The following SUCLA2 variants were observed in gnomAD, a reference collection of about 807,000 sequenced individuals.
SUCLA2 encodes the protein succinate-CoA ligase ADP-forming subunit beta, also known as succinate--CoA ligase [ADP-forming] subunit beta, mitochondrial.
A neutral mutation model predicts 54.8 loss-of-function variants in SUCLA2; 30 were observed. That is an observed-to-expected ratio of 0.55 (90% CI 0.41 to 0.74). The LOEUF (loss-of-function observed/expected upper bound fraction) is 0.74, where lower values mean the gene tolerates loss of function less well. Among genes scored for constraint, SUCLA2 ranks in the 30% least tolerant of loss-of-function variants. The pLI, the probability that SUCLA2 is intolerant of heterozygous loss-of-function variation, is 0.00. For synonymous variants in SUCLA2, 172 were observed against 188.9 expected, an observed-to-expected ratio of 0.91 and a Z score of 0.74; for missense variants, 476 against 562.9, an observed-to-expected ratio of 0.85 and a Z score of 1.56.
intron 6 of SUCLA2, among the ~76,000 whole-genome samples, chr13:47,955,393 G>T (rs989633959): frequency 9.9e-5 from 15 of 152,036 alleles, no homozygotes; most frequent in Middle Eastern, 3.2e-3. Context: ...GTAGAGATAG[G>T]GTTTTGCCAT....
chr13:47,999,711 A>T (rs1037819340), intron 1 of SUCLA2, among the ~76,000 whole-genome samples: 1 of 4,150 alleles, frequency 2.4e-4, no homozygotes, highest in Non-Finnish European at 4.4e-4. Flanking sequence ...CGTCTCAAGG[A>T]AAAAAAAAAA....
At chr13:47,990,677 T>G (rs1295299992) in intron 2 of SUCLA2, among the ~76,000 whole-genome samples, 1 of 152,026 alleles carries the variant, frequency 6.6e-6, no homozygotes, top group Non-Finnish European at 1.5e-5. Context: ...TAACAACTAC[T>G]CCATAAACAT....
At position 47,988,564 on chromosome 13, in the gene SUCLA2, T is replaced by A. The variant is rs1413738278; in HGVS notation, c.511A>T (p.Ile171Leu). The change falls in exon 4 of 11, where the codon ATA (isoleucine) becomes TTA (leucine). Residue 171 changes from isoleucine to leucine, a missense_variant. This residue lies in a region of SUCLA2 where 342 missense variants were observed against 444.2 expected (regional missense o/e 0.77). Transcript: ENST00000646932. ...KYPRREYYFA[I>L]TMERSFQGPV... ...ACTTGAAATGACCTTTCCATTGTTA[T>A]TGCAAAGTAGTATTCTCTCCTGGGA... 2 of 1,613,936 alleles carry A rather than the reference T, an allele frequency of 1.2e-6. No individual in the cohort carries two copies. The highest frequency in any genetic ancestry group is 4.5e-5 in the East Asian group (2 of 44,826).
intron 10 of SUCLA2, among the ~76,000 whole-genome samples, chr13:47,944,431 T>C (rs1294365802): frequency 6.6e-6 from 1 of 152,214 alleles, no homozygotes; most frequent in Non-Finnish European, 1.5e-5. Context: ...TCATGATCTA[T>C]TTGATCAAGG....
chr13:48,000,840 C>T (rs1950224464), intron 1 of SUCLA2: 3 of 1,147,664 alleles, frequency 2.6e-6, no homozygotes, highest in Non-Finnish European at 3.2e-6. Flanking sequence ...AGTCTCAGCC[C>T]ACCGTGCCAG....
At chr13:47,984,216 C>G (rs1950081452) in intron 4 of SUCLA2, among the ~76,000 whole-genome samples, 1 of 148,848 alleles carries the variant, frequency 6.7e-6, no homozygotes, top group Non-Finnish European at 1.5e-5. Context: ...TTTATTTTGA[C>G]ACAGTCTCAC....
At chr13:47,995,645 A>C (rs1831652181) in intron 2 of SUCLA2, among the ~76,000 whole-genome samples, 1 of 152,214 alleles carries the variant, frequency 6.6e-6, no homozygotes, top group Non-Finnish European at 1.5e-5. Flanking sequence ...ATATAAAAGC[A>C]AAGTATTCAC....
At chr13:47,987,176 C>T (rs1950110717) in intron 4 of SUCLA2, among the ~76,000 whole-genome samples, 1 of 152,148 alleles carries the variant, frequency 6.6e-6, no homozygotes, top group Non-Finnish European at 1.5e-5. Context: ...ATAAGATGAA[C>T]TCAAATTTGA....
intron 6 of SUCLA2, among the ~76,000 whole-genome samples, chr13:47,966,643 A>C (rs1299188822): frequency 2.0e-5 from 3 of 151,730 alleles, no homozygotes; most frequent in African/African-American, 7.3e-5. Context: ...GCAGTTGTTC[A>C]GTTTGAAATA....
In SUCLA2 at chr13:47,990,458, T is replaced by TA. The variant is rs200621361; in HGVS notation, c.272-1478dup. ...TACCACAAAAATATTATGTATCAGTTAAAAAAAAAGAGTAATACCTCTTAG... is the reference window on the plus strand; with the variant it reads ...TACCACAAAAATATTATGTATCAGTTAAAAAAAAAAGAGTAATACCTCTTAG... On this transcript the variant is annotated intron_variant, in intron 2 of 10. Coordinates refer to ENST00000646932, the MANE Select transcript of SUCLA2 (RefSeq NM_003850.3). 5.1e-3 allele frequency among the ~76,000 whole-genome samples: 764 copies of TA among 151,074 alleles called. 7 individuals carry two copies. The highest frequency in any genetic ancestry group is 0.017 in the African/African-American group (692 of 41,174).
At chr13:47,965,507 ACAAAC>A (rs748802974) in intron 6 of SUCLA2, 19 of 365,464 alleles carry the variant, frequency 5.2e-5, no homozygotes, top group South Asian at 1.4e-4. Context: ...AAAAAAAAAA[ACAAAC>A]AAACAAAAAA....
At chr13:47,944,647 C>A (rs1949714850) in intron 10 of SUCLA2, among the ~76,000 whole-genome samples, 1 of 152,168 alleles carries the variant, frequency 6.6e-6, no homozygotes, top group South Asian at 2.1e-4. Flanking sequence ...TCAAAATAGG[C>A]TTTCTGAAAT....
chr13:47,989,647 A>C (rs1326537477), intron 2 of SUCLA2, among the ~76,000 whole-genome samples: 1 of 152,208 alleles, frequency 6.6e-6, no homozygotes, highest in Non-Finnish European at 1.5e-5. Flanking sequence ...ATTGAATTTC[A>C]TGTCTTCCTA....
Position 47,955,926 on chromosome 13 carries a change from C to G in SUCLA2, c.803-1369G>C, listed in dbSNP as rs189488132. Reference sequence around the variant, plus strand: ...ACAGGAGAAAAAGTTTGGAGCCCAGCTAAGTTAAGTACCCTTAATACCAAA... The same window carrying G: ...ACAGGAGAAAAAGTTTGGAGCCCAGGTAAGTTAAGTACCCTTAATACCAAA... On this transcript the variant is annotated intron_variant, in intron 6 of 10. Coordinates refer to ENST00000646932, the MANE Select transcript of SUCLA2 (RefSeq NM_003850.3). 1.2e-3 allele frequency among the ~76,000 whole-genome samples: 183 copies of G among 152,266 alleles called. 1 individual carries two copies. The highest frequency in any genetic ancestry group is 3.8e-4 in the Non-Finnish European group (26 of 68,026).
intron 5 of SUCLA2, among the ~76,000 whole-genome samples, chr13:47,971,066 A>C (rs1949959255): frequency 6.6e-6 from 1 of 150,832 alleles, no homozygotes; most frequent in Non-Finnish European, 1.5e-5. Context: ...AATCAATAAT[A>C]AAAAAAAAGA....
At chr13:47,996,766 T>C in intron 2 of SUCLA2, 77 bp downstream of exon 2, 1 of 1,453,350 alleles carries the variant, frequency 6.9e-7, no homozygotes, top group East Asian at 2.3e-5. Context: ...TAAAAGTTGT[T>C]ATCAAACCAA....
At chr13:47,944,335 A>G (rs1949711736) in intron 10 of SUCLA2, among the ~76,000 whole-genome samples, 1 of 152,170 alleles carries the variant, frequency 6.6e-6, no homozygotes, top group Non-Finnish European at 1.5e-5. Flanking sequence ...ATCTCATTCA[A>G]TATTATTATT....
Position 47,997,000 on chromosome 13 carries a change from A to G in SUCLA2, c.114T>C (p.Phe38=), listed in dbSNP as rs140476878. Residue 38 remains phenylalanine, a synonymous_variant, in exon 2 of 11, where the codon TTT becomes TTC. Coordinates refer to ENST00000646932, the MANE Select transcript of SUCLA2 (RefSeq NM_003850.3). Reference sequence around the variant, plus strand: ...GCTGTACTTGGAGTCCATGGTTATTAAACAATCCAGAACTTCCCAGAACCT... The same window carrying G: ...GCTGTACTTGGAGTCCATGGTTATTGAACAATCCAGAACTTCCCAGAACCT... ...AAQVLGSSGL[F]NNHGLQVQQQ... The G allele has an allele frequency of 1.2e-6, 2 of 1,614,106 alleles. No homozygotes were observed. Among genetic ancestry groups the G allele is most frequent in the East Asian group, 4.5e-5 (2 of 44,864 alleles).
chr13:47,984,248 C>T (rs1220725997), intron 4 of SUCLA2, among the ~76,000 whole-genome samples: 1 of 151,192 alleles, frequency 6.6e-6, no homozygotes, highest in African/African-American at 2.4e-5. Flanking sequence ...GGCTGGAGTG[C>T]AGTGGTGCAA....
Sources: gnomAD v4.1 joint callset for allele counts (sites outside exome capture counted in the v4.1 genomes callset) on GRCh38, gnomAD v4.1.1 for gene constraint, gnomAD v4.1.1 regional missense constraint, MANE v1.5 for transcripts, NCBI Gene and HGNC (gene_info 2026-07-23, HGNC 2026-07-21) for gene names.